The following ERBB4 variants were observed in gnomAD, a reference collection of about 807,000 sequenced individuals.
The protein encoded by ERBB4 is erb-b2 receptor tyrosine kinase 4.
ERBB4 carries 42 observed loss-of-function variants against 158.0 expected under a neutral mutation model. The observed-to-expected ratio is 0.27, with a 90% CI of 0.21 to 0.34. The LOEUF (loss-of-function observed/expected upper bound fraction) is 0.34, where lower values mean the gene tolerates loss of function less well. Among genes scored for constraint, ERBB4 ranks in the 10% least tolerant of loss-of-function variants. ERBB4 has a pLI of 1.00. For synonymous variants in ERBB4, 583 were observed against 558.7 expected (o/e 1.04, Z -0.61); for missense variants, 1,333 against 1,624.1 (o/e 0.82, Z 3.08).
chr2:211,860,791 A>G (rs867300931), intron 3 of ERBB4, among the ~76,000 whole-genome samples: 1 of 150,254 alleles, frequency 6.7e-6, no homozygotes, highest in Non-Finnish European at 1.5e-5. Flanking sequence ...TAACACTAGC[A>G]TGTTATAATA....
At chr2:212,026,201 A>G (rs1479727401) in intron 2 of ERBB4, among the ~76,000 whole-genome samples, 1 of 151,762 alleles carries the variant, frequency 6.6e-6, no homozygotes, top group Non-Finnish European at 1.5e-5. Context: ...ACATGTATTC[A>G]ATAAATATTT....
At chr2:211,913,631 G>A (rs936954167) in intron 3 of ERBB4, among the ~76,000 whole-genome samples, 6,206 of 134,832 alleles carry the variant, frequency 0.046, 216 homozygotes, top group African/African-American at 0.09. Context: ...GTGTGTGTGT[G>A]TGTGTGTGTG....
chr2:211,976,797 C>A (rs2125218640), intron 2 of ERBB4, among the ~76,000 whole-genome samples: 1 of 152,058 alleles, frequency 6.6e-6, no homozygotes, highest in East Asian at 1.9e-4. Context: ...AATGGCTAAG[C>A]TAAAAAGAAT....
chr2:211,809,474 C>T (rs2076698571), intron 3 of ERBB4, among the ~76,000 whole-genome samples: 1 of 152,172 alleles, frequency 6.6e-6, no homozygotes. Context: ...AGTTTATTTG[C>T]ATAGAGGTGT....
At chr2:211,741,449 T>A (rs1176895220) in intron 5 of ERBB4, among the ~76,000 whole-genome samples, 7 of 58,368 alleles carry the variant, frequency 1.2e-4, no homozygotes, top group African/African-American at 5.8e-4. Context: ...ATATATGTAG[T>A]TATACACACA....
At position 211,561,887 on chromosome 2, in the gene ERBB4, A is replaced by G. The variant is rs2067403400; in HGVS notation, c.2487+16T>C. The G allele has an allele frequency of 1.1e-5, 17 of 1,610,506 alleles. No individual in the cohort carries two copies. The highest frequency in any genetic ancestry group is 1.4e-5 in the Non-Finnish European group (17 of 1,177,152). On this transcript the variant is annotated intron_variant, in intron 20 of 27. Coordinates refer to ENST00000342788, the MANE Select transcript of ERBB4 (RefSeq NM_005235.3). ...ACCTAAAAATGTAATTTCCATAGAA[A>G]TTGACAGGCACTTACCTTAGCTATC...
chr2:212,041,272 G>A (rs2077134919), intron 2 of ERBB4, among the ~76,000 whole-genome samples: 1 of 152,044 alleles, frequency 6.6e-6, no homozygotes, highest in Non-Finnish European at 1.5e-5. Flanking sequence ...CCAATGTTTA[G>A]TTGTTGCTGT....
chr2:212,338,581 C>T (rs1434184606), intron 1 of ERBB4, among the ~76,000 whole-genome samples: 2 of 152,040 alleles, frequency 1.3e-5, no homozygotes, highest in Non-Finnish European at 2.9e-5. Flanking sequence ...TGATGCAATT[C>T]AGAGAAAAGA....
intron 1 of ERBB4, among the ~76,000 whole-genome samples, chr2:212,263,635 T>C (rs59409369): frequency 0.098 from 14,895 of 152,026 alleles, 868 homozygotes; most frequent in African/African-American, 0.16. Flanking sequence ...TGCTTTTTAA[T>C]AAAAACTGTA....
chr2:212,185,018 T>C (rs1274578330), intron 1 of ERBB4, among the ~76,000 whole-genome samples: 1 of 141,378 alleles, frequency 7.1e-6, no homozygotes, highest in Non-Finnish European at 1.6e-5. Flanking sequence ...GTTACTTTTT[T>C]TTCTTTTTTT....
At chr2:212,129,021 T>C (rs935550923) in intron 1 of ERBB4, among the ~76,000 whole-genome samples, 3 of 152,076 alleles carry the variant, frequency 2.0e-5, no homozygotes, top group African/African-American at 7.2e-5. Flanking sequence ...AGAAAAGGTA[T>C]TATTATATGG....
chr2:212,188,124 TC>T (rs1364771426), intron 1 of ERBB4, among the ~76,000 whole-genome samples: 1 of 149,022 alleles, frequency 6.7e-6, no homozygotes, highest in Non-Finnish European at 1.5e-5. Context: ...AAGTCAGAGA[TC>T]AGGTAGCCAT....
chr2:211,910,731 T>TA (rs747599141), intron 3 of ERBB4, among the ~76,000 whole-genome samples: 25 of 152,186 alleles, frequency 1.6e-4, no homozygotes, highest in Non-Finnish European at 2.9e-4. Flanking sequence ...TAAAAGTTTT[T>TA]AAAAAACCGT....
At chr2:211,807,251 G>A (rs1011433612) in intron 3 of ERBB4, among the ~76,000 whole-genome samples, 10 of 151,890 alleles carry the variant, frequency 6.6e-5, no homozygotes, top group African/African-American at 2.2e-4. Flanking sequence ...CCATTAACTC[G>A]TCATTTACAT....
chr2:212,164,859 C>A (rs1358294253), intron 1 of ERBB4, among the ~76,000 whole-genome samples: 2 of 151,922 alleles, frequency 1.3e-5, no homozygotes, highest in African/African-American at 4.8e-5. Flanking sequence ...AACCTGCATC[C>A]ATTTTGCTTG....
rs544515852 is a variant in ERBB4 at position 211,576,917 on chromosome 2, G to A, written c.2302-14829C>T. ...GCAAAAAGATAAATAACACTGGTAG[G>A]GTTGTACCATGAGGAGAAAGGGGTG... On this transcript the variant is annotated intron_variant, in intron 19 of 27. Transcript: ENST00000342788. Among the ~76,000 whole-genome samples the A allele has an allele frequency of 1.2e-4, 18 of 152,168 alleles. No homozygotes were observed. The East Asian group carries it at 3.1e-3, about 26-fold the overall frequency.
chr2:211,762,356 G>A (rs543611519), intron 4 of ERBB4, among the ~76,000 whole-genome samples: 55 of 152,210 alleles, frequency 3.6e-4, no homozygotes, highest in Non-Finnish European at 2.1e-4. Context: ...TGACAAAGGC[G>A]TGAAAAGCCA....
intron 1 of ERBB4, among the ~76,000 whole-genome samples, chr2:212,333,560 C>CA (rs68110909): frequency 0.25 from 37,710 of 150,706 alleles, 5,033 homozygotes; most frequent in Non-Finnish European, 0.29. Context: ...GACATGGTGT[C>CA]ATGCACCTAA....
intron 20 of ERBB4, among the ~76,000 whole-genome samples, chr2:211,542,646 A>C (rs959016347): frequency 6.6e-6 from 1 of 152,040 alleles, no homozygotes; most frequent in Non-Finnish European, 1.5e-5. Flanking sequence ...ATATTATTTG[A>C]CAGGTTTGAC....
Sources: gnomAD v4.1 joint callset for allele counts (sites outside exome capture counted in the v4.1 genomes callset) on GRCh38, gnomAD v4.1.1 for gene constraint, MANE v1.5 for transcripts, NCBI Gene and HGNC (gene_info 2026-07-23, HGNC 2026-07-21) for gene names.